Variants in CENPK observed in about 807,000 individuals in gnomAD.
CENPK encodes the protein centromere protein K.
A neutral mutation model predicts 40.9 loss-of-function variants in CENPK; 46 were observed. The observed-to-expected ratio is 1.13, with a 90% confidence interval of 0.89 to 1.44. The LOEUF (loss-of-function observed/expected upper bound fraction) is 1.44. Among genes scored for constraint, CENPK ranks in the 40% most tolerant of loss-of-function variants. CENPK has a pLI of 0.00. For missense variants in CENPK, 288 were observed against 303.5 expected, an observed-to-expected ratio of 0.95 and a Z score of 0.38; for synonymous variants, 107 against 104.4, an observed-to-expected ratio of 1.02 and a Z score of -0.15.
intron 5 of CENPK, among the ~76,000 whole-genome samples, chr5:65,546,827 A>G (rs1749071281): frequency 6.6e-6 from 1 of 152,198 alleles, no homozygotes; most frequent in Non-Finnish European, 1.5e-5. Context: ...TTTAACTTGT[A>G]TCTTCCAGAA....
downstream of CENPK, among the ~76,000 whole-genome samples, chr5:65,514,865 A>G (rs987364968): frequency 6.6e-6 from 1 of 152,158 alleles, no homozygotes; most frequent in Non-Finnish European, 1.5e-5. Flanking sequence ...TCATTCCTTT[A>G]TTATCCTTCT....
the CENPK span, among the ~76,000 whole-genome samples, chr5:65,501,575 G>A: frequency 6.9e-5 from 10 of 145,250 alleles, no homozygotes; most frequent in African/African-American, 2.5e-4. Context: ...GGACATTTTG[G>A]TTATTATAAC....
chr5:65,516,927 T>C (rs556736526), downstream of CENPK, among the ~76,000 whole-genome samples: 9 of 152,216 alleles, frequency 5.9e-5, no homozygotes, highest in African/African-American at 1.2e-4. Context: ...TTGGTAGGCA[T>C]TGCAAGCATA....
the CENPK span, among the ~76,000 whole-genome samples, chr5:65,507,380 T>C: frequency 2.6e-5 from 4 of 152,192 alleles, no homozygotes; most frequent in East Asian, 3.9e-4. Context: ...TGCACAGCTA[T>C]ATAGAGAAGA....
chr5:65,505,869 C>T, the CENPK span, among the ~76,000 whole-genome samples: 11 of 152,202 alleles, frequency 7.2e-5, no homozygotes, highest in African/African-American at 2.7e-4. Flanking sequence ...CTCTCCTCTA[C>T]ATTTCTTATC....
intron 5 of CENPK, among the ~76,000 whole-genome samples, chr5:65,544,108 G>T (rs1199030744): frequency 6.6e-6 from 1 of 152,148 alleles, no homozygotes; most frequent in Admixed American, 6.5e-5. Flanking sequence ...CTTTCTACAT[G>T]TGCTTCATAG....
chr5:65,518,387 A>C lies in CENPK; in HGVS notation c.*88T>G. Reference sequence around the variant, plus strand: ...AGATGGCCTATGCGCATTAATTTGCAAATAATGTTTTTTATCCAAATAGTC... The same window carrying C: ...AGATGGCCTATGCGCATTAATTTGCCAATAATGTTTTTTATCCAAATAGTC... On this transcript the variant is annotated 3_prime_UTR_variant, in exon 11 of 11. Transcript: ENST00000396679. 1 of 1,364,512 alleles carries C rather than the reference A, an allele frequency of 7.3e-7. No homozygotes were observed. Among genetic ancestry groups the C allele is most frequent in the Middle Eastern group, 1.8e-4 (1 of 5,474 alleles). The allele number at this position is 1,364,512 out of a possible 1,614,324, so 84.5% of individuals were successfully genotyped here.
intron 5 of CENPK, among the ~76,000 whole-genome samples, chr5:65,543,886 G>A (rs1246726615): frequency 6.6e-6 from 1 of 152,188 alleles, no homozygotes; most frequent in African/African-American, 2.4e-5. Flanking sequence ...AGAAAAAACA[G>A]CAAGAAATAT....
At chr5:65,558,020 C>T (rs1467736341) in intron 2 of CENPK, among the ~76,000 whole-genome samples, 1 of 152,156 alleles carries the variant, frequency 6.6e-6, no homozygotes, top group Non-Finnish European at 1.5e-5. Context: ...GAGAGGATCA[C>T]TTGAGCCCGG....
At chr5:65,542,758 T>A (rs780174811) in intron 6 of CENPK, 44 bp downstream of exon 6, 16 of 1,446,378 alleles carry the variant, frequency 1.1e-5, no homozygotes, top group African/African-American at 2.8e-5. Context: ...ATAGATCTAG[T>A]TAGAAATTAT....
intron 3 of CENPK, among the ~76,000 whole-genome samples, chr5:65,554,401 C>T (rs548265646): frequency 1.7e-4 from 26 of 152,162 alleles, no homozygotes; most frequent in Non-Finnish European, 3.4e-4. Flanking sequence ...CCCCCAGCCT[C>T]GGCCTCCCAA....
chr5:65,521,434 A>G (rs1480701632), intron 10 of CENPK, 41 bp downstream of exon 10: 26 of 1,514,510 alleles, frequency 1.7e-5, no homozygotes, highest in Non-Finnish European at 2.4e-5. Flanking sequence ...ACAAATGACT[A>G]AGACAGCTTC....
chr5:65,499,116 T>C, the CENPK span, among the ~76,000 whole-genome samples: 14 of 151,406 alleles, frequency 9.2e-5, no homozygotes, highest in African/African-American at 3.4e-4. Context: ...TGGCCTCAGC[T>C]TGGCAGGCCT....
In CENPK at chr5:65,562,429, T is replaced by C. The variant is rs1009867309; in HGVS notation, c.-142+669A>G. On this transcript the variant is annotated intron_variant, in intron 1 of 10. Coordinates refer to ENST00000396679, the MANE Select transcript of CENPK (RefSeq NM_022145.5). ...TAAAGTGCCTACTATGGGGGGGCAGTTCCTTCCCTGTACGTGGTGCCTATC... is the reference window on the plus strand; with the variant it reads ...TAAAGTGCCTACTATGGGGGGGCAGCTCCTTCCCTGTACGTGGTGCCTATC... 2.0e-4 allele frequency among the ~76,000 whole-genome samples: 31 copies of C among 152,168 alleles called. 1 individual carries two copies. Among genetic ancestry groups the C allele is most frequent in the Admixed American group, 1.8e-3 (28 of 15,270 alleles).
the CENPK span, among the ~76,000 whole-genome samples, chr5:65,500,103 A>G: frequency 2.5e-5 from 1 of 39,610 alleles, no homozygotes; most frequent in Non-Finnish European, 5.1e-5. Flanking sequence ...AGTCTTTGCT[A>G]TTGTGAATAG....
At chr5:65,518,903 A>G (rs1311418897) in intron 10 of CENPK, among the ~76,000 whole-genome samples, 1 of 152,200 alleles carries the variant, frequency 6.6e-6, no homozygotes. Flanking sequence ...TTCTTTTGAG[A>G]TTAATATCTT....
chr5:65,557,973 C>T (rs1043671505), intron 2 of CENPK, among the ~76,000 whole-genome samples: 24 of 152,250 alleles, frequency 1.6e-4, no homozygotes, highest in African/African-American at 4.6e-4. Flanking sequence ...GGCATGGCAG[C>T]ACATGCCTGT....
intron 6 of CENPK, among the ~76,000 whole-genome samples, chr5:65,536,234 A>G (rs1346625629): frequency 6.6e-6 from 1 of 152,186 alleles, no homozygotes; most frequent in Non-Finnish European, 1.5e-5. Context: ...GTTGCTATGA[A>G]AGGGAAAAAT....
chr5:65,508,262 AC>A, the CENPK span, among the ~76,000 whole-genome samples: 7 of 152,214 alleles, frequency 4.6e-5, no homozygotes, highest in Non-Finnish European at 8.8e-5. Context: ...CTGTGTGTCT[AC>A]AAAATTATTA....
Sources: allele counts gnomAD v4.1 joint callset (sites outside exome capture counted in the v4.1 genomes callset), GRCh38; gene constraint gnomAD v4.1.1; transcripts MANE v1.5; gene names NCBI Gene and HGNC (gene_info 2026-07-23, HGNC 2026-07-21).